R3HDM1: variants seen among roughly 807,000 people sequenced by gnomAD.
R3HDM1 encodes the protein R3H domain containing 1, also known as R3H domain-containing protein 1.
In R3HDM1, 46 loss-of-function variants were observed where a neutral mutation model predicts 141.1. That is an observed-to-expected ratio of 0.33 (90% confidence interval 0.26 to 0.42). R3HDM1 has a LOEUF of 0.42. Ranked by LOEUF, R3HDM1 falls within the 10% of genes least tolerant of loss-of-function variation. The pLI is 1.00. For missense variants in R3HDM1, 1,184 were observed against 1,368.3 expected, an observed-to-expected ratio of 0.87 and a Z score of 2.12; for synonymous variants, 435 against 472.9, an observed-to-expected ratio of 0.92 and a Z score of 1.04.
At chr2:135,586,918 G>C in intron 1 of R3HDM1, 1 of 984,638 alleles carries the variant, frequency 1.0e-6, no homozygotes, top group Non-Finnish European at 1.2e-6. Flanking sequence ...AAATTTTATT[G>C]TGGAACAAAT....
At chr2:135,669,223 G>A in intron 19 of R3HDM1, 1 of 985,246 alleles carries the variant, frequency 1.0e-6, no homozygotes, top group Non-Finnish European at 1.2e-6. Flanking sequence ...ACAAACCAAG[G>A]GAAGGACTGT....
intron 21 of R3HDM1, among the ~76,000 whole-genome samples, chr2:135,689,962 T>C (rs2072050081): frequency 6.6e-6 from 1 of 152,206 alleles, no homozygotes; most frequent in South Asian, 2.1e-4. Flanking sequence ...ATAATACCTT[T>C]GTCTTTGATC....
At chr2:135,629,406 A>G (rs1241986134) in intron 7 of R3HDM1, among the ~76,000 whole-genome samples, 1 of 152,186 alleles carries the variant, frequency 6.6e-6, no homozygotes, top group Non-Finnish European at 1.5e-5. Flanking sequence ...TAGGAAGTAA[A>G]AATTCTTCAC....
At chr2:135,652,169 C>T (rs887589061) in intron 18 of R3HDM1, 137 bp downstream of exon 18, 5 of 1,305,728 alleles carry the variant, frequency 3.8e-6, no homozygotes, top group Non-Finnish European at 4.0e-6. Context: ...CTCATCTTTC[C>T]GCCTCTGGAG....
intron 24 of R3HDM1, among the ~76,000 whole-genome samples, chr2:135,720,262 G>T (rs2076578435): frequency 2.0e-5 from 3 of 152,090 alleles, no homozygotes; most frequent in Non-Finnish European, 4.4e-5. Flanking sequence ...TCATGCATAT[G>T]TCCTGCCAGG....
At chr2:135,539,713 G>A (rs563633628) in intron 1 of R3HDM1, among the ~76,000 whole-genome samples, 1 of 152,048 alleles carries the variant, frequency 6.6e-6, no homozygotes, top group East Asian at 1.9e-4. Context: ...AAAGTGTGAA[G>A]AGCATTATGT....
At chr2:135,601,554 G>A (rs1341149885) in intron 1 of R3HDM1, among the ~76,000 whole-genome samples, 2 of 152,102 alleles carry the variant, frequency 1.3e-5, no homozygotes, top group African/African-American at 4.8e-5. Flanking sequence ...AAAGGACAAT[G>A]GAAGAGGTAA....
At chr2:135,590,550 A>C in intron 1 of R3HDM1, 1 of 985,236 alleles carries the variant, frequency 1.0e-6, no homozygotes, top group Non-Finnish European at 1.2e-6. Context: ...TAAAATCTGA[A>C]ATGCATTAAA....
At position 135,658,623 on chromosome 2, in the gene R3HDM1, A is replaced by G. The variant is rs555817989; in HGVS notation, c.2029-2647A>G. Among the ~76,000 whole-genome samples, 4 of 152,242 alleles carry G rather than the reference A, an allele frequency of 2.6e-5. No individual in the cohort carries two copies. In the South Asian group the frequency reaches 8.3e-4, roughly 32 times the overall value. ...ACACTCTTAAATTAGGCTACACCTA[A>G]TTTATTTCATACATTTTTCTTTCTT... On this transcript the variant is annotated intron_variant, in intron 18 of 26. Coordinates refer to ENST00000683871, the MANE Select transcript of R3HDM1 (RefSeq NM_001378107.1).
chr2:135,577,095 A>AG (rs1216069124), intron 1 of R3HDM1: 34 of 953,276 alleles, frequency 3.6e-5, no homozygotes, highest in Non-Finnish European at 3.9e-5. Context: ...TTAAAGAGAG[A>AG]GAAAAAAAGA....
At chr2:135,660,557 A>C (rs1277152514) in intron 18 of R3HDM1, among the ~76,000 whole-genome samples, 1 of 152,044 alleles carries the variant, frequency 6.6e-6, no homozygotes, top group African/African-American at 2.4e-5. Flanking sequence ...GGATTTTTAA[A>C]ATACTCGCCC....
chr2:135,670,139 A>G, intron 19 of R3HDM1: 2 of 109,140 alleles, frequency 1.8e-5, no homozygotes, highest in Non-Finnish European at 2.8e-5. Flanking sequence ...ACTCAGTCTC[A>G]AAAAAAAAAA....
intron 1 of R3HDM1, among the ~76,000 whole-genome samples, chr2:135,537,446 C>T (rs1276229568): frequency 6.6e-6 from 1 of 150,602 alleles, no homozygotes; most frequent in Non-Finnish European, 1.5e-5. Flanking sequence ...GCCATCATGC[C>T]AGCTAATTTT....
At chr2:135,536,730 C>T (rs1696210377) in intron 1 of R3HDM1, 1 of 981,594 alleles carries the variant, frequency 1.0e-6, no homozygotes, top group Non-Finnish European at 1.2e-6. Flanking sequence ...GCTAACCTGT[C>T]CTATAAGGCA....
At chr2:135,700,863 T>C (rs1159601643) in intron 21 of R3HDM1, among the ~76,000 whole-genome samples, 2 of 152,192 alleles carry the variant, frequency 1.3e-5, no homozygotes, top group Non-Finnish European at 2.9e-5. Context: ...TAAATACTTT[T>C]CATGTACAGT....
In R3HDM1 at chr2:135,618,793, G is replaced by A. The variant is rs554091531; in HGVS notation, c.303+2036G>A. On this transcript the variant is annotated intron_variant, in intron 5 of 26. Coordinates refer to ENST00000683871, the MANE Select transcript of R3HDM1 (RefSeq NM_001378107.1). ...CAGCACTTTTGGGAGGCCAAGGCAGGTGGATCATTTAAGGTCAGGAGTTCA... is the reference window on the plus strand; with the variant it reads ...CAGCACTTTTGGGAGGCCAAGGCAGATGGATCATTTAAGGTCAGGAGTTCA... Among the ~76,000 whole-genome samples, 49 of 152,144 alleles carry A rather than the reference G, an allele frequency of 3.2e-4. 1 individual carries two copies. The highest frequency in any genetic ancestry group is 1.1e-3 in the African/African-American group (46 of 41,550).
intron 16 of R3HDM1, among the ~76,000 whole-genome samples, chr2:135,647,857 C>G (rs1178222621): frequency 6.6e-6 from 1 of 152,190 alleles, no homozygotes; most frequent in Non-Finnish European, 1.5e-5. Flanking sequence ...TGCTAAGGCT[C>G]TTTCTTCCCT....
intron 1 of R3HDM1, among the ~76,000 whole-genome samples, chr2:135,601,612 C>G (rs1025190554): frequency 6.6e-5 from 10 of 152,074 alleles, no homozygotes; most frequent in African/African-American, 2.4e-4. Context: ...TCATTCATAC[C>G]GAATAAATAT....
At chr2:135,659,650 C>T (rs1254298605) in intron 18 of R3HDM1, among the ~76,000 whole-genome samples, 3 of 152,094 alleles carry the variant, frequency 2.0e-5, no homozygotes, top group South Asian at 2.1e-4. Context: ...GTGGCCCAGT[C>T]AGATCTCAAA....
Sources: allele counts gnomAD v4.1 joint callset (sites outside exome capture counted in the v4.1 genomes callset), GRCh38; gene constraint gnomAD v4.1.1; transcripts MANE v1.5; gene names NCBI Gene and HGNC (gene_info 2026-07-23, HGNC 2026-07-21).